Variants in ZNF804B observed in about 807,000 individuals in gnomAD.
ZNF804B encodes the protein zinc finger protein 804B.
In ZNF804B, 80 loss-of-function variants were observed where a neutral mutation model predicts 101.4. The ratio of observed to expected loss-of-function variants is 0.79; its 90% CI spans 0.66 to 0.95. The LOEUF is 0.95. Among genes scored for constraint, ZNF804B ranks in the 40% least tolerant of loss-of-function variants. The probability of loss-of-function intolerance (pLI) is 0.00; values close to 1 mark genes in which losing one functional copy is unlikely to be tolerated. For missense variants in ZNF804B, 1,673 were observed against 1,561.9 expected, an observed-to-expected ratio of 1.07 and a Z score of -1.20; for synonymous variants, 622 against 558.8, an observed-to-expected ratio of 1.11 and a Z score of -1.59.
chr7:89,289,155 A>G (rs1326059825), intron 2 of ZNF804B, among the ~76,000 whole-genome samples: 1 of 152,124 alleles, frequency 6.6e-6, no homozygotes, highest in Non-Finnish European at 1.5e-5. Flanking sequence ...TTACAATGGT[A>G]AGAAATGAAG....
intron 1 of ZNF804B, among the ~76,000 whole-genome samples, chr7:88,768,449 G>A (rs1790015827): frequency 6.6e-6 from 1 of 152,204 alleles, no homozygotes; most frequent in Admixed American, 6.5e-5. Context: ...TAGGCGCAGT[G>A]GCTCACGCCT....
rs1791125950 is a variant in ZNF804B, at chr7:89,337,777, T to C, written c.*745T>C. On this transcript the variant is annotated 3_prime_UTR_variant, in exon 4 of 4. Coordinates refer to ENST00000333190, the MANE Select transcript of ZNF804B (RefSeq NM_181646.5). ...ACAAACTATCATTAGTATTTGATAATGCAAACTCAAAAATAAAACGTGCTC... is the reference window on the plus strand; with the variant it reads ...ACAAACTATCATTAGTATTTGATAACGCAAACTCAAAAATAAAACGTGCTC... Among the ~76,000 whole-genome samples the C allele has an allele frequency of 6.6e-6, 1 of 152,090 alleles. No homozygotes were observed. Among genetic ancestry groups the C allele is most frequent in the Non-Finnish European group, 1.5e-5 (1 of 67,968 alleles).
chr7:89,132,336 C>T (rs73202548), intron 1 of ZNF804B, among the ~76,000 whole-genome samples: 45,163 of 151,772 alleles, frequency 0.3, 7,247 homozygotes, highest in East Asian at 0.57. Context: ...AAAACAAAGA[C>T]GCTATCTTGA....
At chr7:88,995,156 A>C (rs1793903284) in intron 1 of ZNF804B, among the ~76,000 whole-genome samples, 1 of 152,034 alleles carries the variant, frequency 6.6e-6, no homozygotes, top group Admixed American at 6.6e-5. Flanking sequence ...GATAAGCAGG[A>C]GCAGACTGGA....
At chr7:88,873,434 A>C (rs1003542419) in intron 1 of ZNF804B, among the ~76,000 whole-genome samples, 15 of 152,056 alleles carry the variant, frequency 9.9e-5, no homozygotes, top group Non-Finnish European at 1.5e-4. Flanking sequence ...GTTCACTCTG[A>C]TGGTAGTTTC....
Position 89,033,170 on chromosome 7 carries a change from A to G in ZNF804B, c.109-184985A>G, listed in dbSNP as rs139634728. Among the ~76,000 whole-genome samples the G allele has an allele frequency of 1.7e-4, 26 of 151,960 alleles. No individual in the cohort carries two copies. The East Asian group carries it at 5.0e-3, about 29-fold the overall frequency. ...GGTAACCACCATTCTAACCTCTGCT[A>G]CTTTGAGTTCTATTGTTTTAGAATC... On this transcript the variant is annotated intron_variant, in intron 1 of 3. Coordinates refer to ENST00000333190, the MANE Select transcript of ZNF804B (RefSeq NM_181646.5).
intron 1 of ZNF804B, among the ~76,000 whole-genome samples, chr7:88,885,067 A>G (rs533119842): frequency 3.3e-5 from 5 of 152,078 alleles, no homozygotes; most frequent in Admixed American, 1.3e-4. Context: ...TTCAATGCAT[A>G]TATAATTTGT....
chr7:89,031,283 C>G (rs1481288051), intron 1 of ZNF804B, among the ~76,000 whole-genome samples: 1 of 151,274 alleles, frequency 6.6e-6, no homozygotes, highest in Non-Finnish European at 1.5e-5. Context: ...AAAACTTTCT[C>G]TGACTATACC....
intron 1 of ZNF804B, among the ~76,000 whole-genome samples, chr7:88,975,077 A>T (rs1013905363): frequency 6.6e-6 from 1 of 151,406 alleles, no homozygotes; most frequent in Non-Finnish European, 1.5e-5. Context: ...AATGTCTTCC[A>T]GTTCTATCCA....
chr7:89,102,159 A>C (rs1313077382), intron 1 of ZNF804B, among the ~76,000 whole-genome samples: 1 of 151,942 alleles, frequency 6.6e-6, no homozygotes, highest in Non-Finnish European at 1.5e-5. Flanking sequence ...TGTCGGTTTT[A>C]CATGATTTCC....
rs550105963 is a variant in ZNF804B, at chr7:88,931,060, G to A, written c.108+170976G>A. On this transcript the variant is annotated intron_variant, in intron 1 of 3. Transcript: ENST00000333190. ...CTGCACACCTGTCTACTTTGTCACTGGCTCAGGGGATTTTGATGTGCATGT... is the reference window on the plus strand; with the variant it reads ...CTGCACACCTGTCTACTTTGTCACTAGCTCAGGGGATTTTGATGTGCATGT... Among the ~76,000 whole-genome samples the A allele has an allele frequency of 8.6e-5, 13 of 151,930 alleles. No individual in the cohort carries two copies. The South Asian group carries it at 2.3e-3, about 27-fold the overall frequency.
At chr7:89,137,128 G>A (rs1301075212) in intron 1 of ZNF804B, among the ~76,000 whole-genome samples, 1 of 151,954 alleles carries the variant, frequency 6.6e-6, no homozygotes, top group Non-Finnish European at 1.5e-5. Context: ...CAATAAATTG[G>A]TACCAGTAGA....
intron 1 of ZNF804B, among the ~76,000 whole-genome samples, chr7:88,866,370 G>A (rs1418604193): frequency 6.6e-6 from 1 of 152,042 alleles, no homozygotes; most frequent in African/African-American, 2.4e-5. Flanking sequence ...TTCAGGCTGG[G>A]TTTATAACTT....
intron 2 of ZNF804B, among the ~76,000 whole-genome samples, chr7:89,298,570 G>T (rs888669747): frequency 9.3e-5 from 14 of 151,328 alleles, no homozygotes; most frequent in African/African-American, 3.4e-4. Context: ...CTGTGTCTTT[G>T]CATGTATCTG....
intron 1 of ZNF804B, among the ~76,000 whole-genome samples, chr7:89,012,360 C>G (rs1214857215): frequency 6.6e-6 from 1 of 152,146 alleles, no homozygotes; most frequent in African/African-American, 2.4e-5. Context: ...CCTCTCATCA[C>G]TCATGCAAAT....
intron 1 of ZNF804B, among the ~76,000 whole-genome samples, chr7:89,026,455 T>G (rs1015987386): frequency 2.1e-4 from 32 of 152,140 alleles, no homozygotes; most frequent in Admixed American, 2.0e-3. Context: ...TGTATTTTTA[T>G]AAGGTTTATT....
intron 2 of ZNF804B, among the ~76,000 whole-genome samples, chr7:89,313,229 A>G (rs1452957970): frequency 1.3e-5 from 2 of 152,060 alleles, no homozygotes; most frequent in Non-Finnish European, 2.9e-5. Flanking sequence ...TTAACCTTCT[A>G]TGTGTTTGTT....
chr7:89,117,791 ATT>A, intron 1 of ZNF804B, among the ~76,000 whole-genome samples: 2 of 152,172 alleles, frequency 1.3e-5, no homozygotes, highest in Admixed American at 6.5e-5. Flanking sequence ...ATGTTGCTTT[ATT>A]TCATAGCTGG....
chr7:88,789,953 TTTTCC>T (rs1790354684), intron 1 of ZNF804B, among the ~76,000 whole-genome samples: 1 of 152,092 alleles, frequency 6.6e-6, no homozygotes, highest in Non-Finnish European at 1.5e-5. Flanking sequence ...CTGGAAGAGT[TTTTCC>T]TTTCAAGTAA....
Sources: allele counts gnomAD v4.1 joint callset (sites outside exome capture counted in the v4.1 genomes callset), GRCh38; gene constraint gnomAD v4.1.1; transcripts MANE v1.5; gene names NCBI Gene and HGNC (gene_info 2026-07-23, HGNC 2026-07-21).